SS18: variants seen among roughly 807,000 people sequenced by gnomAD.
SS18 encodes SS18 subunit of BAF chromatin remodeling complex.
A neutral mutation model predicts 72.5 loss-of-function variants in SS18; 28 were observed. The observed-to-expected ratio is 0.39, with a 90% confidence interval of 0.29 to 0.53. The LOEUF (loss-of-function observed/expected upper bound fraction) is 0.53. SS18 is among the 20% of genes least tolerant of loss of function. The pLI is 0.76. For missense variants in SS18, 518 were observed against 535.3 expected, an observed-to-expected ratio of 0.97 and a Z score of 0.32; for synonymous variants, 172 against 164.2, an observed-to-expected ratio of 1.05 and a Z score of -0.37.
chr18:26,046,793 A>C (rs1476848691), intron 5 of SS18, among the ~76,000 whole-genome samples: 1 of 152,214 alleles, frequency 6.6e-6, no homozygotes, highest in African/African-American at 2.4e-5. Context: ...ACACAACAAC[A>C]AGCTTTGCTG....
intron 4 of SS18, among the ~76,000 whole-genome samples, chr18:26,057,020 C>T (rs1330008931): frequency 6.6e-6 from 1 of 152,136 alleles, no homozygotes; most frequent in Non-Finnish European, 1.5e-5. Context: ...AGGAAGTTTA[C>T]ATTATTTTTC....
At chr18:26,085,855 A>C (rs1439379567) in intron 2 of SS18, 2 of 152,232 alleles carry the variant, frequency 1.3e-5, no homozygotes, top group African/African-American at 4.8e-5. Context: ...ACAGCAAGAG[A>C]CCAATACAAT....
chr18:26,090,546 CG>C lies in SS18; in HGVS notation c.23del (p.Pro8ArgfsTer28). MSVAFAA[P>X]RQRGKGEITP... The stretch of plus-strand genomic sequence containing the variant: ...TGATCTCCCCCTTGCCTCGCTGCCT[CG>C]GGGCCGCGAAAGCCACAGACATGTT... On this transcript the variant is annotated frameshift_variant, in exon 1 of 11. Transcript: ENST00000415083. LOFTEE classifies it high-confidence loss of function. The C allele has an allele frequency of 6.3e-7, 1 of 1,588,562 alleles. No homozygotes were observed. Among genetic ancestry groups the C allele is most frequent in the Admixed American group, 1.7e-5 (1 of 57,566 alleles).
intron 1 of SS18, 117 bp from the exon 2 acceptor site, chr18:26,087,694 C>T (rs1039363583): frequency 1.7e-6 from 1 of 587,526 alleles, no homozygotes; most frequent in Non-Finnish European, 3.0e-6. Context: ...AACTCTAAAG[C>T]GTATCCCTTA....
In SS18 at chr18:26,090,492, C is replaced by T. The variant is rs1416068595; in HGVS notation, c.69+9G>A. 2 of 1,564,620 alleles carry T rather than the reference C, an allele frequency of 1.3e-6. No individual in the cohort carries two copies. Among genetic ancestry groups the T allele is most frequent in the Non-Finnish European group, 1.7e-6 (2 of 1,154,562 alleles). Reference sequence around the variant, plus strand: ...AGGGCCTGGCATCCGCAACCCCGCGCGGTTTCACCTTCTGAATCGCAGCGG... The same window carrying T: ...AGGGCCTGGCATCCGCAACCCCGCGTGGTTTCACCTTCTGAATCGCAGCGG... On this transcript the variant is annotated intron_variant, in intron 1 of 10. Coordinates refer to ENST00000415083, the MANE Select transcript of SS18 (RefSeq NM_001007559.3).
At chr18:26,071,849 A>G in intron 3 of SS18, among the ~76,000 whole-genome samples, 1 of 152,112 alleles carries the variant, frequency 6.6e-6, no homozygotes, top group African/African-American at 2.4e-5. Context: ...AAAAAGAATG[A>G]TGGTGAAATA....
chr18:26,053,938 TC>T (rs1163839283), intron 4 of SS18, among the ~76,000 whole-genome samples: 1 of 152,134 alleles, frequency 6.6e-6, no homozygotes, highest in Admixed American at 6.5e-5. Flanking sequence ...AAACAACAAT[TC>T]AAATAAAGTA....
chr18:26,028,975 A>G (rs2053498973), intron 10 of SS18, among the ~76,000 whole-genome samples: 1 of 152,124 alleles, frequency 6.6e-6, no homozygotes, highest in African/African-American at 2.4e-5. Flanking sequence ...AGAGTGATGC[A>G]ATGGAGGGTG....
Position 26,087,544 on chromosome 18 carries a change from T to C in SS18, c.103A>G (p.Ile35Val), listed in dbSNP as rs2054637807. 1.9e-6 allele frequency: 3 copies of C among 1,598,920 alleles called. No individual in the cohort carries two copies. The highest frequency in any genetic ancestry group is 8.5e-7 in the Non-Finnish European group (1 of 1,169,946). ...TTTCCTTTATTCTGAGAGTCCATTA[T>C]ACACTGAATAAGATGGTTATTGTCA... ...LDDNNHLIQC[I>V]MDSQNKGKTS... Residue 35 changes from isoleucine (I) to valine (V), a missense_variant, in exon 2 of 11, where the codon ATA becomes GTA. By Grantham distance (29) the Ile-to-Val change is conservative. Coordinates refer to ENST00000415083, the MANE Select transcript of SS18 (RefSeq NM_001007559.3).
At chr18:26,058,660 T>C (rs190196231) in intron 3 of SS18, among the ~76,000 whole-genome samples, 3 of 152,350 alleles carry the variant, frequency 2.0e-5, no homozygotes, top group East Asian at 3.9e-4. Context: ...TAGATACACA[T>C]TGTTATTTGG....
chr18:26,037,068 G>A (rs746059413), intron 7 of SS18, among the ~76,000 whole-genome samples: 1 of 151,810 alleles, frequency 6.6e-6, no homozygotes, highest in Non-Finnish European at 1.5e-5. Flanking sequence ...TGAGAGAAAA[G>A]AGCCAATGTT....
intron 3 of SS18, among the ~76,000 whole-genome samples, chr18:26,076,950 A>G (rs1381710220): frequency 1.3e-5 from 2 of 152,074 alleles, no homozygotes; most frequent in African/African-American, 4.8e-5. Context: ...AGCATTTATC[A>G]TGACTTTCCT....
intron 9 of SS18, among the ~76,000 whole-genome samples, chr18:26,033,805 T>C (rs1374659725): frequency 1.3e-5 from 2 of 152,124 alleles, no homozygotes; most frequent in South Asian, 2.1e-4. Flanking sequence ...ACTATAATAC[T>C]TCAACAAAAA....
At chr18:26,069,171 C>A (rs574556065) in intron 3 of SS18, among the ~76,000 whole-genome samples, 245 of 152,192 alleles carry the variant, frequency 1.6e-3, no homozygotes, top group Non-Finnish European at 2.8e-3. Flanking sequence ...CCAATGTGTA[C>A]CTATATCTTT....
intron 3 of SS18, among the ~76,000 whole-genome samples, chr18:26,062,548 T>C (rs1006521191): frequency 2.0e-5 from 3 of 152,148 alleles, no homozygotes; most frequent in Admixed American, 2.0e-4. Context: ...TCCTACTATA[T>C]CATGTTCTAC....
chr18:26,035,874 G>A lies in SS18; in HGVS notation c.930C>T (p.Tyr310=), dbSNP rs570531592. 5 of 1,602,604 alleles carry A rather than the reference G, an allele frequency of 3.1e-6. No homozygotes were observed. In the South Asian group the frequency reaches 3.4e-5, roughly 11 times the overall value. The change falls in exon 8 of 11, where the codon TAC becomes TAT. Residue 310 remains tyrosine (Y), a synonymous_variant. Transcript: ENST00000415083. The surrounding 1 kb of genome is among the most constrained non-coding windows in gnomAD (Gnocchi z 4.4). Reference sequence around the variant, plus strand: ...GTGAGGAATCCTCATAAGGCCTATCGTAGCCTTGTTCAGGATACGACGGTT... The same window carrying A: ...GTGAGGAATCCTCATAAGGCCTATCATAGCCTTGTTCAGGATACGACGGTT... ...YQQPSYPEQG[Y]DRPYEDSSQH...
At chr18:26,036,719 A>T (rs2053632359) in intron 7 of SS18, among the ~76,000 whole-genome samples, 1 of 152,186 alleles carries the variant, frequency 6.6e-6, no homozygotes, top group African/African-American at 2.4e-5. Flanking sequence ...CTAATTAAGG[A>T]CACAGGAATA....
At chr18:26,042,692 G>A (rs2053751194) in intron 5 of SS18, among the ~76,000 whole-genome samples, 1 of 150,008 alleles carries the variant, frequency 6.7e-6, no homozygotes, top group Non-Finnish European at 1.5e-5. Flanking sequence ...CAAATTTATT[G>A]AGTACTTATT....
chr18:26,031,668 G>T (rs1443460224), intron 10 of SS18, among the ~76,000 whole-genome samples: 5 of 152,112 alleles, frequency 3.3e-5, no homozygotes, highest in Admixed American at 2.6e-4. Flanking sequence ...AATGAACACT[G>T]GGTTCAAGGG....
Sources: gnomAD v4.1 joint callset for allele counts (sites outside exome capture counted in the v4.1 genomes callset) on GRCh38, gnomAD v4.1.1 for gene constraint, Gnocchi (gnomAD v3.1) non-coding constraint, MANE v1.5 for transcripts, NCBI Gene and HGNC (gene_info 2026-07-23, HGNC 2026-07-21) for gene names.